ERICH1: variants seen among roughly 807,000 people sequenced by gnomAD.
ERICH1 encodes the protein glutamate-rich protein 1.
In ERICH1, 56 loss-of-function variants were observed where a neutral mutation model predicts 39.6. The observed-to-expected ratio is 1.41, with a 90% CI of 1.14 to 1.77. ERICH1 has a LOEUF of 1.77. Ranked by LOEUF, ERICH1 falls within the 40% of genes most tolerant of loss-of-function variation. The pLI, the probability that ERICH1 is intolerant of heterozygous loss-of-function variation, is 0.00. For synonymous variants in ERICH1, 313 were observed against 223.6 expected (o/e 1.40, Z -3.57); for missense variants, 826 against 575.4 (o/e 1.44, Z -4.45).
At chr8:689,542 G>A (rs1383125321) in intron 3 of ERICH1, among the ~76,000 whole-genome samples, 2 of 152,248 alleles carry the variant, frequency 1.3e-5, no homozygotes, top group African/African-American at 2.4e-5. Context: ...TCCTGGAGGT[G>A]TCTGGCAGGA....
chr8:694,744 T>C (rs114139433), intron 2 of ERICH1, among the ~76,000 whole-genome samples: 1,597 of 152,318 alleles, frequency 0.01, 28 homozygotes, highest in African/African-American at 0.036. Flanking sequence ...TTTTGGGTAA[T>C]GTATGGTTTA....
chr8:652,857 A>T (rs2117346808), intron 3 of ERICH1, among the ~76,000 whole-genome samples: 1 of 152,356 alleles, frequency 6.6e-6, no homozygotes, highest in South Asian at 2.1e-4. Context: ...GATGTCCGGC[A>T]CCACTAATCA....
At chr8:657,559 A>G (rs889249723) in intron 3 of ERICH1, among the ~76,000 whole-genome samples, 1 of 149,978 alleles carries the variant, frequency 6.7e-6, no homozygotes, top group African/African-American at 2.5e-5. Flanking sequence ...CCGTCAGTCC[A>G]GACTGGCGCC....
At chr8:730,585 C>A (rs1227449409) in intron 1 of ERICH1, among the ~76,000 whole-genome samples, 2 of 152,200 alleles carry the variant, frequency 1.3e-5, no homozygotes, top group East Asian at 1.9e-4. Flanking sequence ...TTAACCAATT[C>A]TATTTATTCT....
At chr8:724,899 C>T (rs932429238) in intron 1 of ERICH1, among the ~76,000 whole-genome samples, 11 of 152,078 alleles carry the variant, frequency 7.2e-5, no homozygotes, top group African/African-American at 2.2e-4. Flanking sequence ...CCGCCTGGCC[C>T]GGACCACGAG....
At chr8:632,775 C>G (rs993016260) in intron 3 of ERICH1, among the ~76,000 whole-genome samples, 4 of 152,176 alleles carry the variant, frequency 2.6e-5, no homozygotes, top group African/African-American at 9.7e-5. Flanking sequence ...TAACATAACG[C>G]CCAAGTGGGT....
Position 729,721 on chromosome 8 carries a change from T to C in ERICH1, c.22+1419A>G, listed in dbSNP as rs543309607. 1.3e-4 allele frequency among the ~76,000 whole-genome samples: 20 copies of C among 152,000 alleles called. No homozygotes were observed. The South Asian group carries it at 2.3e-3, about 17-fold the overall frequency. On this transcript the variant is annotated intron_variant, in intron 1 of 5. Transcript: ENST00000262109. The stretch of plus-strand genomic sequence containing the variant: ...CTTGACCATTCTGTCACATATCCAA[T>C]AGGAAAAAAAGGCTGTTTCGAGGGA...
chr8:644,314 C>G (rs987986706), intron 3 of ERICH1, among the ~76,000 whole-genome samples: 6 of 152,250 alleles, frequency 3.9e-5, no homozygotes, highest in Non-Finnish European at 8.8e-5. Context: ...CTGTGGTCAT[C>G]GTCTCTTTGT....
At chr8:684,212 A>G (rs771545055) in intron 3 of ERICH1, among the ~76,000 whole-genome samples, 4 of 152,232 alleles carry the variant, frequency 2.6e-5, no homozygotes, top group African/African-American at 4.8e-5. Flanking sequence ...TCCCTTAAAT[A>G]AAACTGTCAA....
intron 2 of ERICH1, among the ~76,000 whole-genome samples, chr8:695,829 TCCTCCCTCC>T (rs368538384): frequency 2.4e-3 from 160 of 67,480 alleles, no homozygotes; most frequent in African/African-American, 3.0e-3. Flanking sequence ...TCCCTTCCTC[TCCTCCCTCC>T]CCATCAGCCT....
chr8:653,821 G>A, intron 3 of ERICH1, among the ~76,000 whole-genome samples: 1 of 151,712 alleles, frequency 6.6e-6, no homozygotes. Context: ...GGAGGGGTTG[G>A]AGCCACAGAG....
chr8:694,547 A>G (rs777902275), intron 2 of ERICH1, among the ~76,000 whole-genome samples: 4 of 152,176 alleles, frequency 2.6e-5, no homozygotes, highest in African/African-American at 4.8e-5. Flanking sequence ...CGCGCCAGGG[A>G]GACAGTTCCG....
intron 1 of ERICH1, among the ~76,000 whole-genome samples, chr8:726,127 C>G (rs941040076): frequency 6.6e-6 from 1 of 152,200 alleles, no homozygotes; most frequent in Admixed American, 6.5e-5. Flanking sequence ...AGGCACCCAA[C>G]CAGACCAACG....
intron 3 of ERICH1, among the ~76,000 whole-genome samples, chr8:691,352 A>G (rs1207360138): frequency 6.6e-6 from 1 of 152,234 alleles, no homozygotes; most frequent in African/African-American, 2.4e-5. Context: ...CAGTCCTGAC[A>G]CAGCCTGTCT....
rs576972069 is a variant in ERICH1, at chr8:621,249, A to G, written c.977-5965T>C. On this transcript the variant is annotated intron_variant, in intron 3 of 3. Coordinates refer to the ERICH1 transcript ENST00000522706. Reference sequence around the variant, plus strand: ...GAAAATAAAAGCACATCATGCCAATATTTATAGACTGCAGCTAAAGCAGTG... The same window carrying G: ...GAAAATAAAAGCACATCATGCCAATGTTTATAGACTGCAGCTAAAGCAGTG... Among the ~76,000 whole-genome samples the G allele has an allele frequency of 2.6e-5, 4 of 152,304 alleles. 1 individual carries two copies. The South Asian group carries it at 8.3e-4, about 32-fold the overall frequency.
At chr8:653,321 T>C (rs1299551443) in intron 3 of ERICH1, among the ~76,000 whole-genome samples, 2 of 152,216 alleles carry the variant, frequency 1.3e-5, no homozygotes, top group Non-Finnish European at 2.9e-5. Context: ...TAACCTACCT[T>C]AATAGCAGAC....
intron 3 of ERICH1, among the ~76,000 whole-genome samples, chr8:628,068 CCT>C (rs1405250284): frequency 2.0e-5 from 3 of 152,194 alleles, no homozygotes. Flanking sequence ...ACTAAATGGC[CCT>C]CTCTCTGACC....
At chr8:670,541 G>A (rs1032496236) in intron 4 of ERICH1, among the ~76,000 whole-genome samples, 1 of 152,176 alleles carries the variant, frequency 6.6e-6, no homozygotes, top group African/African-American at 2.4e-5. Context: ...CCACACATTT[G>A]GGACAGTGTC....
intron 4 of ERICH1, chr8:672,127 G>A (rs899710841): frequency 6.5e-6 from 1 of 152,932 alleles, no homozygotes; most frequent in South Asian, 2.0e-4. Flanking sequence ...TTCCTGAGTA[G>A]CTTCCTGATC....
Sources: allele counts gnomAD v4.1 joint callset (sites outside exome capture counted in the v4.1 genomes callset), GRCh38; gene constraint gnomAD v4.1.1; transcripts MANE v1.5; gene names NCBI Gene and HGNC (gene_info 2026-07-23, HGNC 2026-07-21).